Variants in NEDD4 observed in about 807,000 individuals in gnomAD.
NEDD4 encodes the protein NEDD4 E3 ubiquitin protein ligase, also known as E3 ubiquitin-protein ligase NEDD4.
A neutral mutation model predicts 144.9 loss-of-function variants in NEDD4; 99 were observed. The observed-to-expected ratio is 0.68, with a 90% CI of 0.58 to 0.81. NEDD4 has a LOEUF of 0.81. Among genes scored for constraint, NEDD4 ranks in the 30% least tolerant of loss-of-function variants. The pLI is 0.00. For missense variants in NEDD4, 985 were observed against 1,065.9 expected, an observed-to-expected ratio of 0.92 and a Z score of 1.06; for synonymous variants, 318 against 350.6, an observed-to-expected ratio of 0.91 and a Z score of 1.04.
rs1243677674 is a variant in NEDD4 at position 55,860,368 on chromosome 15, A to G, written c.960+39T>C. ...TTGAATAGTATAATATGCATAATAT[A>G]AACTACTGAAGCCGTAACAAAATCT... On this transcript the variant is annotated intron_variant, in intron 11 of 28. Coordinates refer to ENST00000435532, the MANE Select transcript of NEDD4 (RefSeq NM_006154.4). 2.5e-6 allele frequency: 4 copies of G among 1,600,854 alleles called. No individual in the cohort carries two copies. In the Admixed American group the frequency reaches 6.9e-5, roughly 27 times the overall value.
chr15:55,830,462 G>A (rs1304951959), intron 28 of NEDD4, 52 bp downstream of exon 28: 32 of 1,489,328 alleles, frequency 2.1e-5, no homozygotes, highest in Non-Finnish European at 2.9e-5. Context: ...GACTAACAGA[G>A]GAATCTCACT....
At chr15:55,876,449 G>A (rs957300367) in intron 5 of NEDD4, among the ~76,000 whole-genome samples, 1 of 151,846 alleles carries the variant, frequency 6.6e-6, no homozygotes, top group East Asian at 1.9e-4. Flanking sequence ...TAAAATATAT[G>A]TAGATGTAAT....
At position 55,896,509 on chromosome 15, in the gene NEDD4, C is replaced by G. The variant is rs188893044; in HGVS notation, c.292-22501G>C. Among the ~76,000 whole-genome samples, 4 of 152,194 alleles carry G rather than the reference C, an allele frequency of 2.6e-5. No homozygotes were observed. In the East Asian group the frequency reaches 7.7e-4, roughly 29 times the overall value. ...CAATGCCATTTTAATAAAAATTTAC[C>G]TGATGATACTAAATTGCTAATTTCC... On this transcript the variant is annotated intron_variant, in intron 5 of 28. Coordinates refer to ENST00000435532, the MANE Select transcript of NEDD4 (RefSeq NM_006154.4).
intron 5 of NEDD4, among the ~76,000 whole-genome samples, chr15:55,914,474 C>A (rs1156315655): frequency 6.6e-6 from 1 of 151,734 alleles, no homozygotes; most frequent in Non-Finnish European, 1.5e-5. Context: ...TATAATAAAG[C>A]TGAATTGTCA....
intron 5 of NEDD4, among the ~76,000 whole-genome samples, chr15:55,887,692 C>T (rs2142110120): frequency 6.6e-6 from 1 of 152,196 alleles, no homozygotes; most frequent in East Asian, 1.9e-4. Context: ...AAGAAAACTA[C>T]AGGGCCAAAT....
At chr15:55,986,186 C>T (rs1255529728) in intron 1 of NEDD4, among the ~76,000 whole-genome samples, 2 of 152,098 alleles carry the variant, frequency 1.3e-5, no homozygotes, top group Non-Finnish European at 2.9e-5. Flanking sequence ...TGCCAACTAA[C>T]AGAGATGGAA....
chr15:55,926,113 C>T (rs556339454), intron 4 of NEDD4, among the ~76,000 whole-genome samples: 6 of 151,702 alleles, frequency 4.0e-5, no homozygotes, highest in Non-Finnish European at 8.8e-5. Context: ...ATGATACATA[C>T]GTATATGTAT....
intron 7 of NEDD4, among the ~76,000 whole-genome samples, chr15:55,871,798 A>C (rs542533761): frequency 1.3e-5 from 2 of 152,288 alleles, no homozygotes; most frequent in South Asian, 4.1e-4. Flanking sequence ...TCTCTGCTTT[A>C]GTTTGACCTT....
intron 4 of NEDD4, among the ~76,000 whole-genome samples, chr15:55,940,002 T>C (rs1211354442): frequency 6.6e-6 from 1 of 152,166 alleles, no homozygotes; most frequent in Non-Finnish European, 1.5e-5. Context: ...AAATGTGACA[T>C]ATACATACAA....
At chr15:55,940,634 T>C (rs983732372) in intron 4 of NEDD4, among the ~76,000 whole-genome samples, 7 of 151,956 alleles carry the variant, frequency 4.6e-5, no homozygotes, top group Admixed American at 3.3e-4. Context: ...CAAAGAATTG[T>C]CTCCCATGTC....
chr15:55,947,786 T>C (rs1330239484), intron 4 of NEDD4, among the ~76,000 whole-genome samples: 4 of 152,184 alleles, frequency 2.6e-5, no homozygotes, highest in African/African-American at 9.7e-5. Flanking sequence ...AAATTAGGTA[T>C]TGATGGGACG....
intron 1 of NEDD4, among the ~76,000 whole-genome samples, chr15:55,981,249 A>AT (rs1331754210): frequency 6.6e-6 from 1 of 152,018 alleles, no homozygotes; most frequent in Non-Finnish European, 1.5e-5. Context: ...GGATTCTCAT[A>AT]TATCACCTCA....
At chr15:55,835,804 G>T (rs2033166956) in intron 24 of NEDD4, among the ~76,000 whole-genome samples, 1 of 152,162 alleles carries the variant, frequency 6.6e-6, no homozygotes, top group Non-Finnish European at 1.5e-5. Context: ...TCTGCTGCTA[G>T]TCTGGCTCTC....
At position 55,838,657 on chromosome 15, in the gene NEDD4, T is replaced by C. The variant is rs2033325403; in HGVS notation, c.2032-53A>G. ...ATTTGTATCTATAACACACCTGAAATTGCAAAAAACAGTATGTAGAGGGTC... is the reference window on the plus strand; with the variant it reads ...ATTTGTATCTATAACACACCTGAAACTGCAAAAAACAGTATGTAGAGGGTC... On this transcript the variant is annotated intron_variant, in intron 21 of 28. Transcript: ENST00000435532. The C allele has an allele frequency of 3.1e-6, 4 of 1,270,034 alleles. No individual in the cohort carries two copies. In the African/African-American group the frequency reaches 6.0e-5, roughly 19 times the overall value. The allele number at this position is 1,270,034 out of a possible 1,614,324, so 78.7% of individuals were successfully genotyped here.
intron 5 of NEDD4, among the ~76,000 whole-genome samples, chr15:55,885,724 A>T (rs1460293654): frequency 6.6e-6 from 1 of 151,998 alleles, no homozygotes; most frequent in Non-Finnish European, 1.5e-5. Flanking sequence ...CAGAAATTAA[A>T]ACATACCACC....
intron 14 of NEDD4, among the ~76,000 whole-genome samples, chr15:55,850,091 C>T (rs913453160): frequency 6.6e-6 from 1 of 152,210 alleles, no homozygotes; most frequent in Admixed American, 6.5e-5. Flanking sequence ...AGCCACTGCA[C>T]CCGGCCTTTA....
chr15:55,846,231 T>C (rs1234811060), intron 18 of NEDD4, among the ~76,000 whole-genome samples: 2 of 152,200 alleles, frequency 1.3e-5, no homozygotes, highest in Non-Finnish European at 2.9e-5. Context: ...CCACCCACCA[T>C]CTTGAATATT....
chr15:55,938,421 G>T (rs1427292680), intron 4 of NEDD4, among the ~76,000 whole-genome samples: 1 of 151,866 alleles, frequency 6.6e-6, no homozygotes, highest in African/African-American at 2.4e-5. Context: ...GCAAAAGAAA[G>T]AAATTGACCC....
intron 11 of NEDD4, 121 bp from the exon 12 acceptor site, chr15:55,856,317 A>G (rs1319968580): frequency 3.6e-6 from 3 of 830,780 alleles, no homozygotes; most frequent in African/African-American, 1.7e-5. Context: ...CTAGGATGCA[A>G]ATGTTGAGAG....
Sources: gnomAD v4.1 joint callset for allele counts (sites outside exome capture counted in the v4.1 genomes callset) on GRCh38, gnomAD v4.1.1 for gene constraint, MANE v1.5 for transcripts, NCBI Gene and HGNC (gene_info 2026-07-23, HGNC 2026-07-21) for gene names.